ARHGAP6: variants seen among roughly 807,000 people sequenced by gnomAD.
The protein encoded by ARHGAP6 is Rho GTPase activating protein 6.
In ARHGAP6, 16 loss-of-function variants were observed where a neutral mutation model predicts 55.7. The observed-to-expected ratio is 0.29, with a 90% confidence interval of 0.19 to 0.44. The LOEUF is 0.44. Ranked by LOEUF, ARHGAP6 falls within the 20% of genes least tolerant of loss-of-function variation. The probability of loss-of-function intolerance (pLI) is 1.00; values close to 1 mark genes in which losing one functional copy is unlikely to be tolerated. For missense variants in ARHGAP6, 698 were observed against 808.9 expected (o/e 0.86, Z 1.66); for synonymous variants, 382 against 360.9 (o/e 1.06, Z -0.66).
intron 1 of ARHGAP6, among the ~76,000 whole-genome samples, chrX:11,397,450 T>A (rs1479089069): frequency 9.0e-6 from 1 of 111,504 alleles, no homozygotes; most frequent in African/African-American, 3.3e-5. Context: ...AATATGAAGA[T>A]GTAATATAAT....
At chrX:11,171,286 A>G in intron 8 of ARHGAP6, among the ~76,000 whole-genome samples, 1 of 110,785 alleles carries the variant, frequency 9.0e-6, no homozygotes, top group Non-Finnish European at 1.9e-5. Flanking sequence ...CTGTGCACAT[A>G]TATACATGTA....
At chrX:11,347,360 C>T (rs188201322) in intron 1 of ARHGAP6, among the ~76,000 whole-genome samples, 8 of 111,934 alleles carry the variant, frequency 7.1e-5, no homozygotes, top group East Asian at 2.8e-4. Flanking sequence ...GAAATGGAGA[C>T]GTTTTTGTAG....
intron 1 of ARHGAP6, among the ~76,000 whole-genome samples, chrX:11,548,687 C>T (rs2051236919): frequency 9.0e-6 from 1 of 111,397 alleles, no homozygotes; most frequent in Non-Finnish European, 1.9e-5. Flanking sequence ...CAGCTCACTG[C>T]AACCTCTGCC....
At chrX:11,564,625 A>G (rs1185786510) in intron 1 of ARHGAP6, among the ~76,000 whole-genome samples, 1 of 111,964 alleles carries the variant, frequency 8.9e-6, no homozygotes. Flanking sequence ...GATGAAAAGA[A>G]AACTGATTGC....
At chrX:11,329,407 C>T (rs764799984) in intron 1 of ARHGAP6, among the ~76,000 whole-genome samples, 10 of 112,165 alleles carry the variant, frequency 8.9e-5, no homozygotes, top group East Asian at 8.4e-4. Context: ...AATTAGAAAA[C>T]GTCAAGCCAT....
intron 1 of ARHGAP6, among the ~76,000 whole-genome samples, chrX:11,396,685 C>T (rs1045466255): frequency 9.0e-6 from 1 of 111,062 alleles, no homozygotes; most frequent in Admixed American, 9.6e-5. Flanking sequence ...GAATGAATGC[C>T]AAGATGAGAG....
At chrX:11,613,110 C>T (rs2052121862) in intron 1 of ARHGAP6, among the ~76,000 whole-genome samples, 2 of 112,434 alleles carry the variant, frequency 1.8e-5, no homozygotes, top group South Asian at 7.4e-4. Flanking sequence ...AATCTACTCG[C>T]TCTATCCCTA....
chrX:11,655,129 T>C (rs765919203), intron 1 of ARHGAP6, among the ~76,000 whole-genome samples: 31 of 112,266 alleles, frequency 2.8e-4, no homozygotes, highest in Non-Finnish European at 4.7e-4. Flanking sequence ...TTCATATAAA[T>C]AGAATTATAC....
At chrX:11,426,510 TC>T (rs1241013493) in intron 1 of ARHGAP6, among the ~76,000 whole-genome samples, 1 of 111,089 alleles carries the variant, frequency 9.0e-6, no homozygotes, top group Non-Finnish European at 1.9e-5. Context: ...GAACGTCCAG[TC>T]TCAACAGTGC....
At chrX:11,401,608 G>C (rs934138809) in intron 1 of ARHGAP6, among the ~76,000 whole-genome samples, 1 of 110,974 alleles carries the variant, frequency 9.0e-6, no homozygotes, top group Middle Eastern at 4.2e-3. Flanking sequence ...GAGTAGGGGT[G>C]GGGGAGGGCA....
intron 9 of ARHGAP6, among the ~76,000 whole-genome samples, chrX:11,165,845 C>G (rs2046009928): frequency 9.0e-6 from 1 of 111,595 alleles, no homozygotes; most frequent in African/African-American, 3.3e-5. Context: ...CCCAGTGCTA[C>G]TCAATCTGAT....
intron 1 of ARHGAP6, among the ~76,000 whole-genome samples, chrX:11,632,622 T>C (rs2052373612): frequency 8.9e-6 from 1 of 112,504 alleles, no homozygotes; most frequent in African/African-American, 3.2e-5. Flanking sequence ...TCCGCATGAA[T>C]GGTCACAGTG....
intron 10 of ARHGAP6, chrX:11,148,798 G>C (rs1284154417): frequency 6.4e-6 from 2 of 313,529 alleles, no homozygotes; most frequent in Non-Finnish European, 1.2e-5. Flanking sequence ...CCAGCAAGAA[G>C]AACTGTGGAG....
At chrX:11,661,049 CATGA>C (rs1336452460) in intron 1 of ARHGAP6, among the ~76,000 whole-genome samples, 2 of 111,884 alleles carry the variant, frequency 1.8e-5, no homozygotes, top group African/African-American at 3.3e-5. Context: ...ATGCTTGTGC[CATGA>C]ATGAAGAAAA....
intron 2 of ARHGAP6, among the ~76,000 whole-genome samples, chrX:11,203,502 T>C (rs986577070): frequency 1.8e-4 from 20 of 111,920 alleles, no homozygotes; most frequent in African/African-American, 6.2e-4. Flanking sequence ...CAATCTGGGA[T>C]TGCTTGAAGC....
At chrX:11,645,151 A>C (rs763844983) in intron 1 of ARHGAP6, among the ~76,000 whole-genome samples, 165 of 111,670 alleles carry the variant, frequency 1.5e-3, no homozygotes, top group South Asian at 5.2e-3. Flanking sequence ...ATAGTGATGG[A>C]GAACAGATCA....
chrX:11,309,368 C>T (rs893971350), intron 1 of ARHGAP6, among the ~76,000 whole-genome samples: 18 of 110,436 alleles, frequency 1.6e-4, no homozygotes, highest in African/African-American at 5.6e-4. Context: ...CAGGGAGGGA[C>T]ACTGCTCAAA....
intron 1 of ARHGAP6, among the ~76,000 whole-genome samples, chrX:11,354,325 CTCTATA>C (rs796440107): frequency 0.032 from 1,531 of 47,269 alleles, 15 homozygotes; most frequent in East Asian, 0.084. Context: ...CTCTCTCTCT[CTCTATA>C]TATATATATA....
intron 1 of ARHGAP6, among the ~76,000 whole-genome samples, chrX:11,508,563 AG>A (rs2050755647): frequency 9.1e-6 from 1 of 110,243 alleles, no homozygotes; most frequent in South Asian, 3.9e-4. Context: ...GCTGCATACC[AG>A]TCAACTTGGC....
Sources: gnomAD v4.1 joint callset for allele counts (sites outside exome capture counted in the v4.1 genomes callset) on GRCh38, gnomAD v4.1.1 for gene constraint, MANE v1.5 for transcripts, NCBI Gene and HGNC (gene_info 2026-07-23, HGNC 2026-07-21) for gene names.